The following GALK2 variants were observed in gnomAD, a reference collection of about 807,000 sequenced individuals.
GALK2 encodes the protein galactokinase 2.
GALK2 carries 36 observed loss-of-function variants against 52.4 expected under a neutral mutation model. The ratio of observed to expected loss-of-function variants is 0.69; its 90% CI spans 0.53 to 0.91. The LOEUF (loss-of-function observed/expected upper bound fraction) is 0.91, where lower values mean the gene tolerates loss of function less well. Ranked by LOEUF, GALK2 falls within the 40% of genes least tolerant of loss-of-function variation. The pLI is 0.00. For synonymous variants in GALK2, 176 were observed against 199.1 expected (o/e 0.88, Z 0.98); for missense variants, 579 against 559.1 (o/e 1.04, Z -0.36).
intron 2 of GALK2, 70 bp from the exon 3 acceptor site, chr15:49,217,120 T>C (rs2089442461): frequency 3.5e-6 from 5 of 1,414,198 alleles, no homozygotes; most frequent in African/African-American, 1.4e-5. Context: ...TTTTCCTGTA[T>C]GTAAACTTTC....
At chr15:49,235,566 C>T in intron 3 of GALK2, 1 of 543,718 alleles carries the variant, frequency 1.8e-6, no homozygotes, top group South Asian at 1.5e-5. Context: ...CAAGGACCAA[C>T]ATGAAAGAGA....
At chr15:49,351,371 C>T (rs993926838) in intron 3 of GALK2, among the ~76,000 whole-genome samples, 12 of 152,166 alleles carry the variant, frequency 7.9e-5, no homozygotes, top group Non-Finnish European at 1.3e-4. Flanking sequence ...CGGCCAATTC[C>T]GCCCAAACTC....
chr15:49,210,957 T>TCACACACACACACA (rs764698505), intron 2 of GALK2, among the ~76,000 whole-genome samples: 97 of 112,834 alleles, frequency 8.6e-4, no homozygotes, highest in Non-Finnish European at 1.2e-3. Flanking sequence ...ATGTTGGCTG[T>TCACACACACACACA]CACACACACA....
chr15:49,272,047 A>G (rs1057302791), intron 5 of GALK2, among the ~76,000 whole-genome samples: 1 of 152,196 alleles, frequency 6.6e-6, no homozygotes, highest in East Asian at 1.9e-4. Flanking sequence ...ATTGTGCTCC[A>G]TTGGCTCACC....
intron 2 of GALK2, among the ~76,000 whole-genome samples, chr15:49,210,504 A>T (rs189440192): frequency 2.4e-4 from 37 of 151,872 alleles, no homozygotes; most frequent in African/African-American, 8.5e-4. Context: ...CAATGGTGCG[A>T]TCTCAGCTCA....
intron 8 of GALK2, among the ~76,000 whole-genome samples, chr15:49,318,389 C>T (rs940084551): frequency 2.6e-5 from 4 of 151,878 alleles, no homozygotes; most frequent in African/African-American, 9.7e-5. Flanking sequence ...TCGTGCTTTC[C>T]TATCAGTTTT....
At chr15:49,181,037 T>TTCCG in intron 1 of GALK2, among the ~76,000 whole-genome samples, 1 of 128,150 alleles carries the variant, frequency 7.8e-6, no homozygotes, top group Non-Finnish European at 1.8e-5. Context: ...CCTTCCTTCC[T>TTCCG]TCCTTCCTTC....
chr15:49,214,907 A>T (rs561898784), intron 2 of GALK2, among the ~76,000 whole-genome samples: 1 of 151,066 alleles, frequency 6.6e-6, no homozygotes, highest in Admixed American at 6.7e-5. Flanking sequence ...TTTTTGCAAG[A>T]CAGGTCTGGT....
At chr15:49,192,473 TTATATATATATGTATATATATATA>T (rs923032278) in intron 1 of GALK2, among the ~76,000 whole-genome samples, 4 of 82,394 alleles carry the variant, frequency 4.9e-5, no homozygotes, top group African/African-American at 1.8e-4. Context: ...GCAATGAATA[TTATATATATATGTATATATATATA>T]TATATATATA....
intron 8 of GALK2, among the ~76,000 whole-genome samples, chr15:49,302,204 C>G (rs1248184408): frequency 1.3e-5 from 2 of 152,196 alleles, no homozygotes; most frequent in African/African-American, 4.8e-5. Context: ...CCTTAGCAAT[C>G]CTGCACCAAT....
chr15:49,216,953 T>G (rs2089425344), intron 2 of GALK2, among the ~76,000 whole-genome samples: 1 of 152,196 alleles, frequency 6.6e-6, no homozygotes, highest in South Asian at 2.1e-4. Context: ...ACTGTGATTT[T>G]CAGGTACTCA....
intron 9 of GALK2, 136 bp downstream of exon 9, chr15:49,319,941 C>T: frequency 1.4e-6 from 1 of 716,702 alleles, no homozygotes; most frequent in Non-Finnish European, 2.3e-6. Context: ...TCTGATGATA[C>T]AGAGCTACAC....
chr15:49,201,584 G>T (rs575869461), intron 2 of GALK2, among the ~76,000 whole-genome samples: 1 of 152,032 alleles, frequency 6.6e-6, no homozygotes, highest in African/African-American at 2.4e-5. Context: ...TTACTCACTG[G>T]GTTAGAGGAG....
intron 6 of GALK2, 143 bp from the exon 7 acceptor site, chr15:49,283,423 A>T: frequency 1.5e-6 from 1 of 672,864 alleles, no homozygotes; most frequent in Non-Finnish European, 2.5e-6. Flanking sequence ...TCCAGTGCCT[A>T]GTACAGCGCC....
intron 3 of GALK2, among the ~76,000 whole-genome samples, chr15:49,229,851 G>A (rs1812543072): frequency 6.6e-6 from 1 of 152,132 alleles, no homozygotes; most frequent in African/African-American, 2.4e-5. Context: ...AGGTGGGGTA[G>A]CGTTTCCTCG....
At chr15:49,178,218 T>TAG (rs1306009334) in intron 1 of GALK2, among the ~76,000 whole-genome samples, 9 of 116,130 alleles carry the variant, frequency 7.7e-5, no homozygotes, top group African/African-American at 2.6e-4. Flanking sequence ...TATATATATA[T>TAG]ATATATATAG....
chr15:49,300,590 G>C (rs948821202), intron 8 of GALK2, among the ~76,000 whole-genome samples: 2 of 151,990 alleles, frequency 1.3e-5, no homozygotes, highest in African/African-American at 2.4e-5. Flanking sequence ...CCATAATCCC[G>C]ACATGTCATG....
downstream of GALK2, chr15:49,335,547 G>A (rs1010604328): frequency 2.2e-6 from 3 of 1,392,332 alleles, no homozygotes; most frequent in Non-Finnish European, 3.1e-6. Flanking sequence ...CATTTGGGAA[G>A]TAAACAGTAC....
rs931465908 is a variant in GALK2 at position 49,358,341 on chromosome 15, T to C, written c.427-9150T>C. Among the ~76,000 whole-genome samples, 69 of 118,214 alleles carry C rather than the reference T, an allele frequency of 5.8e-4. 13 individuals are homozygous for C. The highest frequency in any genetic ancestry group is 2.0e-3 in the African/African-American group (62 of 30,534). 77.6% of individuals were successfully genotyped at this position (118,214 alleles called of 152,430 possible). On this transcript the variant is annotated intron_variant, in intron 3 of 3. Transcript: ENST00000558399. The stretch of plus-strand genomic sequence containing the variant: ...ATGATTGTGTATGTAGAAAACCCCA[T>C]TGTCTCAGCCCAAAATCTCCTTAAG...
Sources: gnomAD v4.1 joint callset for allele counts (sites outside exome capture counted in the v4.1 genomes callset) on GRCh38, gnomAD v4.1.1 for gene constraint, MANE v1.5 for transcripts, NCBI Gene and HGNC (gene_info 2026-07-23, HGNC 2026-07-21) for gene names.